HSP90AA1: variants seen among roughly 807,000 people sequenced by gnomAD.
The protein encoded by HSP90AA1 is heat shock protein HSP 90-alpha.
Under a neutral mutation model 73.3 loss-of-function variants are expected in HSP90AA1, and 18 were observed. That is an observed-to-expected ratio of 0.25 (90% CI 0.17 to 0.36). HSP90AA1 has a LOEUF of 0.36. Ranked by LOEUF, HSP90AA1 falls within the 10% of genes least tolerant of loss-of-function variation. The pLI, the probability that HSP90AA1 is intolerant of heterozygous loss-of-function variation, is 1.00. For missense variants in HSP90AA1, 704 were observed against 874.2 expected, an observed-to-expected ratio of 0.81 and a Z score of 2.45; for synonymous variants, 477 against 296.9, an observed-to-expected ratio of 1.61 and a Z score of -6.24.
At chr14:102,099,348 C>G (rs980550400) in intron 2 of HSP90AA1, among the ~76,000 whole-genome samples, 2 of 152,114 alleles carry the variant, frequency 1.3e-5, no homozygotes, top group African/African-American at 2.4e-5. Flanking sequence ...CACCTGAGGT[C>G]AAGAGTTCGA....
rs1345435804 is a variant in HSP90AA1, at chr14:102,084,495, G to A, written c.1051C>T (p.Leu351=). ...TTCTTTTTCTTTCTGTTTTCAAACA[G>A]ATCAAAAGGAGCACGTCGTGGGACA... The part of the protein sequence containing the change: ...LFVPRRAPFD[L]FENRKKKNNI... The change falls in exon 6 of 11, where the codon CTG becomes TTG. Residue 351 remains leucine (L), a synonymous_variant. Transcript: ENST00000216281. 9 of 1,614,046 alleles carry A rather than the reference G, an allele frequency of 5.6e-6. No homozygotes were observed. The highest frequency in any genetic ancestry group is 7.6e-6 in the Non-Finnish European group (9 of 1,179,880).
At chr14:102,121,900 T>C (rs1175398042) in intron 1 of HSP90AA1, among the ~76,000 whole-genome samples, 6 of 152,226 alleles carry the variant, frequency 3.9e-5, no homozygotes, top group Admixed American at 6.5e-5. Context: ...CCTTGCCATA[T>C]GTGTTGTGAA....
Position 102,129,504 on chromosome 14 carries a change from C to CT in HSP90AA1, c.155+9745dup, listed in dbSNP as rs34986713. 8.8e-4 allele frequency among the ~76,000 whole-genome samples: 96 copies of CT among 108,498 alleles called. 1 individual carries two copies. The highest frequency in any genetic ancestry group is 2.8e-3 in the South Asian group (9 of 3,198). 71.2% of individuals were successfully genotyped at this position (108,498 alleles called of 152,430 possible). On this transcript the variant is annotated intron_variant, in intron 1 of 11. Coordinates refer to the HSP90AA1 transcript ENST00000334701. ...TACTTTCTGTCTCTATACTACATTC[C>CT]TTTTTTTTTTTTTTTTGAGTTGGAG...
intron 1 of HSP90AA1, among the ~76,000 whole-genome samples, chr14:102,114,468 C>T (rs2049682595): frequency 6.6e-6 from 1 of 152,170 alleles, no homozygotes; most frequent in African/African-American, 2.4e-5. Context: ...GGGTATTCTA[C>T]ATGGGCAATT....
chr14:102,094,408 G>C (rs113265188), intron 2 of HSP90AA1, among the ~76,000 whole-genome samples: 2 of 152,210 alleles, frequency 1.3e-5, no homozygotes, highest in Non-Finnish European at 2.9e-5. Flanking sequence ...CATTGTGGTC[G>C]AGGCAGGCAT....
intron 1 of HSP90AA1, among the ~76,000 whole-genome samples, chr14:102,129,506 T>C (rs1346060258): frequency 9.0e-4 from 5 of 5,576 alleles, no homozygotes; most frequent in Admixed American, 4.4e-3. Flanking sequence ...CTACATTCCT[T>C]TTTTTTTTTT....
At position 102,081,443 on chromosome 14, in the gene HSP90AA1, A is replaced by C. The variant is rs966922324; in HGVS notation, c.*269T>G. ...CTAAACACTTTAGACCACAAAGTTA[A>C]CATCATGTTACATACGTCTTACAGT... is the stretch of plus-strand genomic sequence containing the variant. On this transcript the variant is annotated 3_prime_UTR_variant, in exon 11 of 11. Transcript: ENST00000216281. 1.1e-5 allele frequency: 6 copies of C among 533,848 alleles called. No homozygotes were observed. The highest frequency in any genetic ancestry group is 2.0e-5 in the Non-Finnish European group (6 of 298,090). The allele number at this position is 533,848 out of a possible 1,614,324, so 33.1% of individuals were successfully genotyped here.
intron 10 of HSP90AA1, 41 bp downstream of exon 10, chr14:102,082,070 G>A (rs1566717393): frequency 2.3e-6 from 3 of 1,323,796 alleles, no homozygotes; most frequent in South Asian, 1.2e-5. Flanking sequence ...AATGTCACGT[G>A]TGTTTATTTT....
chr14:102,133,482 GTTC>G (rs2049934813), intron 1 of HSP90AA1, among the ~76,000 whole-genome samples: 1 of 98,748 alleles, frequency 1.0e-5, no homozygotes, highest in African/African-American at 3.5e-5. Context: ...ATTTAAACTA[GTTC>G]TTTTTTTTTT....
chr14:102,081,970 T>C (rs1193345813), intron 10 of HSP90AA1, 141 bp downstream of exon 10: 3 of 768,994 alleles, frequency 3.9e-6, no homozygotes, highest in Admixed American at 2.0e-5. Context: ...ACCTTACTTA[T>C]CCCTAAAAAA....
upstream of HSP90AA1, among the ~76,000 whole-genome samples, chr14:102,091,922 T>C (rs948889047): frequency 5.9e-5 from 9 of 151,878 alleles, no homozygotes; most frequent in Non-Finnish European, 4.4e-5. Context: ...CCACCACAAC[T>C]GCCCTTGGCT....
chr14:102,087,060 C>A, upstream of HSP90AA1: 2 of 985,410 alleles, frequency 2.0e-6, no homozygotes, highest in Non-Finnish European at 2.4e-6. Context: ...GCCACCCCCG[C>A]GCCTGCCTTA....
chr14:102,085,469 A>C (rs374189490), intron 3 of HSP90AA1, 38 bp from the exon 4 acceptor site: 5 of 1,395,962 alleles, frequency 3.6e-6, no homozygotes, highest in African/African-American at 2.9e-5. Context: ...TAATACATTC[A>C]ATTTAGTGCT....
intron 1 of HSP90AA1, among the ~76,000 whole-genome samples, chr14:102,123,770 C>A (rs1460830512): frequency 1.3e-5 from 2 of 152,096 alleles, no homozygotes; most frequent in Non-Finnish European, 2.9e-5. Context: ...TAAAGGCACC[C>A]CCCACTTCCC....
chr14:102,096,454 C>A (rs1190604245), intron 2 of HSP90AA1, among the ~76,000 whole-genome samples: 1 of 152,166 alleles, frequency 6.6e-6, no homozygotes, highest in Non-Finnish European at 1.5e-5. Context: ...GGTCTGCCCC[C>A]GATCATCTCT....
chr14:102,082,202 A>C lies in HSP90AA1; in HGVS notation c.1998T>G (p.Leu666=), dbSNP rs1595653963. 1.2e-6 allele frequency: 2 copies of C among 1,613,938 alleles called. No homozygotes were observed. The highest frequency in any genetic ancestry group is 1.7e-5 in the Admixed American group (1 of 60,008). ...DKSVKDLVIL[L]YETALLSSGF... ...CAGAAGACAGGAGCGCAGTTTCATA[A>C]AGCAAGATGACCAGATCCTTCACAG... The change falls in exon 10 of 11, where the codon CTT becomes CTG. Residue 666 remains leucine, a synonymous_variant. Transcript: ENST00000216281.
chr14:102,098,439 C>CT (rs1284891892), intron 2 of HSP90AA1, among the ~76,000 whole-genome samples: 7 of 142,714 alleles, frequency 4.9e-5, no homozygotes, highest in African/African-American at 1.8e-4. Context: ...GGATTACAGG[C>CT]TTAAGCCACT....
Position 102,102,000 on chromosome 14 carries a change from G to A in HSP90AA1, c.241C>T (p.Leu81Phe), listed in dbSNP as rs772754112. ...GAGACGTGGAAGGGCTGTTTCCAGA[G>A]ACAGAGTAGAGTGGTGGATCCAGAC... The change falls in exon 2 of 12, where the codon CTC (leucine) becomes TTC (phenylalanine). Residue 81 changes from leucine (L) to phenylalanine (F), a missense_variant. Coordinates refer to the HSP90AA1 transcript ENST00000334701. 6.2e-6 allele frequency: 10 copies of A among 1,614,180 alleles called. No homozygotes were observed. In the South Asian group the frequency reaches 1.1e-4, roughly 18 times the overall value.
chr14:102,084,783 T>A lies in HSP90AA1; in HGVS notation c.879A>T (p.Thr293=), dbSNP rs1566719917. ...KYIDQEELNK[T]KPIWTRNPDD... is the part of the protein sequence containing the mutation. ...CGGGATTTCTGGTCCAGATGGGCTT[T>A]GTTTTGTTGAGCTCTTCTTGATCGA... The change falls in exon 5 of 11, where the codon ACA becomes ACT. Residue 293 remains threonine (T), a synonymous_variant. Coordinates refer to ENST00000216281, the MANE Select transcript of HSP90AA1 (RefSeq NM_005348.4). The A allele has an allele frequency of 6.2e-7, 1 of 1,614,120 alleles. No homozygotes were observed.
Sources: gnomAD v4.1 joint callset for allele counts (sites outside exome capture counted in the v4.1 genomes callset) on GRCh38, gnomAD v4.1.1 for gene constraint, MANE v1.5 for transcripts, NCBI Gene and HGNC (gene_info 2026-07-23, HGNC 2026-07-21) for gene names.